The following GRM7 variants were observed in gnomAD, a reference collection of about 807,000 sequenced individuals.
GRM7 encodes the protein metabotropic glutamate receptor 7.
GRM7 carries 35 observed loss-of-function variants against 84.5 expected under a neutral mutation model. That is an observed-to-expected ratio of 0.41 (90% CI 0.32 to 0.55). The LOEUF (loss-of-function observed/expected upper bound fraction) is 0.55. GRM7 is among the 20% of genes least tolerant of loss of function. The pLI, the probability that GRM7 is intolerant of heterozygous loss-of-function variation, is 0.19. For synonymous variants in GRM7, 487 were observed against 455.1 expected (o/e 1.07, Z -0.89); for missense variants, 1,003 against 1,194.6 (o/e 0.84, Z 2.36).
At chr3:7,676,861 C>T (rs1025666426) in intron 8 of GRM7, among the ~76,000 whole-genome samples, 1 of 152,098 alleles carries the variant, frequency 6.6e-6, no homozygotes, top group Middle Eastern at 3.2e-3. Context: ...TAGACTATGC[C>T]ACCAAGATTT....
intron 4 of GRM7, among the ~76,000 whole-genome samples, chr3:7,334,800 G>T (rs1241759077): frequency 6.6e-6 from 1 of 152,028 alleles, no homozygotes; most frequent in Non-Finnish European, 1.5e-5. Flanking sequence ...AAACTTTAAA[G>T]CAACAACAGT....
intron 8 of GRM7, among the ~76,000 whole-genome samples, chr3:7,646,966 C>A (rs1221713305): frequency 6.6e-6 from 1 of 152,162 alleles, no homozygotes; most frequent in African/African-American, 2.4e-5. Context: ...ACCAGGTACA[C>A]TTGTAGAGGT....
chr3:7,474,544 T>G (rs907234050), intron 7 of GRM7, among the ~76,000 whole-genome samples: 5 of 151,758 alleles, frequency 3.3e-5, no homozygotes, highest in African/African-American at 9.7e-5. Flanking sequence ...CATACATAAA[T>G]GAGTCTCCCA....
At chr3:7,450,469 A>G (rs965196734) in intron 5 of GRM7, among the ~76,000 whole-genome samples, 1 of 152,186 alleles carries the variant, frequency 6.6e-6, no homozygotes, top group Non-Finnish European at 1.5e-5. Flanking sequence ...CATGAAAAAC[A>G]CATACAGGCA....
chr3:7,550,044 T>C (rs1693371824), intron 7 of GRM7, among the ~76,000 whole-genome samples: 1 of 152,050 alleles, frequency 6.6e-6, no homozygotes, highest in African/African-American at 2.4e-5. Flanking sequence ...ACCATCATCC[T>C]CCCCCTCTTT....
chr3:7,364,330 G>A (rs1418131952), intron 4 of GRM7, among the ~76,000 whole-genome samples: 1 of 151,682 alleles, frequency 6.6e-6, no homozygotes, highest in Non-Finnish European at 1.5e-5. Context: ...GGCTCTCACA[G>A]TTTTGGTTTG....
rs371092929 is a variant in GRM7, at chr3:7,528,738, AT to A, written c.1516-49675del. 3.6e-3 allele frequency among the ~76,000 whole-genome samples: 539 copies of A among 151,436 alleles called. 5 individuals are homozygous for A. The East Asian group carries it at 0.064, about 18-fold the overall frequency. On this transcript the variant is annotated intron_variant, in intron 7 of 9. Coordinates refer to ENST00000357716, the MANE Select transcript of GRM7 (RefSeq NM_000844.4). ...GTCTGCATTTTCATTTTTTGTAAAG[AT>A]TTTTTTTTATTTCTGCCCTAATTTT...
chr3:7,134,951 C>T lies in GRM7; in HGVS notation c.520-11501C>T, dbSNP rs115373642. Among the ~76,000 whole-genome samples the T allele has an allele frequency of 5.6e-3, 855 of 152,206 alleles. 9 individuals are homozygous for T. Among genetic ancestry groups the T allele is most frequent in the African/African-American group, 0.019 (805 of 41,544 alleles). ...TATAACTTGCGATCCACACACAAAACTACTTGGATTTCAAGAAAATGGTTA... is the reference window on the plus strand; with the variant it reads ...TATAACTTGCGATCCACACACAAAATTACTTGGATTTCAAGAAAATGGTTA... On this transcript the variant is annotated intron_variant, in intron 1 of 9. Transcript: ENST00000357716.
intron 1 of GRM7, among the ~76,000 whole-genome samples, chr3:7,107,434 A>G (rs1490770882): frequency 1.3e-5 from 2 of 152,102 alleles, no homozygotes; most frequent in Non-Finnish European, 2.9e-5. Context: ...CTTCTTAAGA[A>G]TCACAAAGTT....
intron 4 of GRM7, among the ~76,000 whole-genome samples, chr3:7,371,362 C>G (rs1287744242): frequency 2.0e-5 from 3 of 152,078 alleles, no homozygotes; most frequent in Non-Finnish European, 4.4e-5. Flanking sequence ...AATATTTCAC[C>G]TCTCAAATAC....
intron 8 of GRM7, among the ~76,000 whole-genome samples, chr3:7,622,314 T>C (rs1469014212): frequency 6.6e-6 from 1 of 152,128 alleles, no homozygotes; most frequent in Non-Finnish European, 1.5e-5. Flanking sequence ...GTCTCTATGT[T>C]GTGATGCCTT....
At chr3:7,573,280 A>G (rs1694800113) in intron 7 of GRM7, among the ~76,000 whole-genome samples, 1 of 152,114 alleles carries the variant, frequency 6.6e-6, no homozygotes, top group Non-Finnish European at 1.5e-5. Flanking sequence ...TTTTTTTTAA[A>G]TTAGCTGATT....
At chr3:7,479,973 T>A (rs1409920513) in intron 7 of GRM7, among the ~76,000 whole-genome samples, 1 of 152,246 alleles carries the variant, frequency 6.6e-6, no homozygotes, top group Non-Finnish European at 1.5e-5. Flanking sequence ...TGACATTTTC[T>A]TAATTTAAAT....
chr3:7,397,199 G>C (rs1033180073), intron 4 of GRM7, among the ~76,000 whole-genome samples: 3 of 152,028 alleles, frequency 2.0e-5, no homozygotes, highest in Admixed American at 6.6e-5. Flanking sequence ...TATCACCCAG[G>C]GAAGTTTATC....
intron 1 of GRM7, among the ~76,000 whole-genome samples, chr3:7,066,188 A>T (rs1697652454): frequency 6.6e-6 from 1 of 151,932 alleles, no homozygotes; most frequent in African/African-American, 2.4e-5. Context: ...GCAGAACTAA[A>T]TGAAATGGAA....
At chr3:6,973,415 A>C (rs1311149523) in intron 1 of GRM7, among the ~76,000 whole-genome samples, 1 of 152,216 alleles carries the variant, frequency 6.6e-6, no homozygotes, top group Non-Finnish European at 1.5e-5. Context: ...AGTAGGGAAA[A>C]TGTATACATA....
chr3:7,540,012 C>A lies in GRM7; in HGVS notation c.1516-38410C>A, dbSNP rs149730063. Among the ~76,000 whole-genome samples, 4 of 152,096 alleles carry A rather than the reference C, an allele frequency of 2.6e-5. No homozygotes were observed. In the East Asian group the frequency reaches 7.7e-4, roughly 29 times the overall value. The stretch of plus-strand genomic sequence containing the variant: ...TTAAATGTTCCTTTTAATAACTTTG[C>A]AAAATAGATTTTATTATAATTCCAT... On this transcript the variant is annotated intron_variant, in intron 7 of 9. Coordinates refer to ENST00000357716, the MANE Select transcript of GRM7 (RefSeq NM_000844.4).
chr3:7,486,306 A>T lies in GRM7; in HGVS notation c.1515+24584A>T, dbSNP rs1320575772. ...ATGATAATGGCGATGATGGTGATAA[A>T]AGGTAGGAAGACTATTTTATTTGTT... On this transcript the variant is annotated intron_variant, in intron 7 of 9. Transcript: ENST00000357716. The surrounding 1 kb of genome is among the most constrained non-coding windows in gnomAD (Gnocchi z 5.5). 6.6e-6 allele frequency among the ~76,000 whole-genome samples: 1 copy of T among 152,120 alleles called. No homozygotes were observed. The highest frequency in any genetic ancestry group is 1.5e-5 in the Non-Finnish European group (1 of 68,014).
intron 4 of GRM7, among the ~76,000 whole-genome samples, chr3:7,365,964 T>A (rs1693873625): frequency 6.6e-6 from 1 of 151,612 alleles, no homozygotes. Context: ...ATGTTAAATT[T>A]TCAGTGTGAC....
Sources: allele counts gnomAD v4.1 joint callset (sites outside exome capture counted in the v4.1 genomes callset), GRCh38; gene constraint gnomAD v4.1.1; non-coding constraint Gnocchi (gnomAD v3.1); transcripts MANE v1.5; gene names NCBI Gene and HGNC (gene_info 2026-07-23, HGNC 2026-07-21).